The following BACH2 variants were observed in gnomAD, a reference collection of about 807,000 sequenced individuals.
The protein encoded by BACH2 is transcription regulator protein BACH2.
BACH2 carries 5 observed loss-of-function variants against 61.8 expected under a neutral mutation model. The observed-to-expected ratio is 0.08, with a 90% confidence interval of 0.04 to 0.17. BACH2 has a LOEUF of 0.17. Ranked by LOEUF, BACH2 falls within the 10% of genes least tolerant of loss-of-function variation. The pLI is 1.00. For synonymous variants in BACH2, 446 were observed against 440.1 expected, an observed-to-expected ratio of 1.01 and a Z score of -0.17; for missense variants, 824 against 1,091.1, an observed-to-expected ratio of 0.76 and a Z score of 3.45.
intron 7 of BACH2, among the ~76,000 whole-genome samples, chr6:89,945,817 G>A (rs1337372059): frequency 6.6e-6 from 1 of 152,198 alleles, no homozygotes; most frequent in Admixed American, 6.5e-5. Flanking sequence ...CTCCAACGGT[G>A]CTCCCAGTTT....
intron 2 of BACH2, among the ~76,000 whole-genome samples, chr6:90,259,675 T>C (rs984235126): frequency 4.6e-5 from 7 of 152,224 alleles, no homozygotes; most frequent in Non-Finnish European, 5.9e-5. Flanking sequence ...CTGGTAGAAC[T>C]CAGCTGTGAA....
At chr6:89,987,656 G>T (rs1776316192) in intron 6 of BACH2, among the ~76,000 whole-genome samples, 1 of 152,172 alleles carries the variant, frequency 6.6e-6, no homozygotes, top group East Asian at 1.9e-4. Context: ...TAGTAGTCAC[G>T]GTTGTATAAA....
chr6:89,953,171 C>G (rs1224842454), intron 6 of BACH2: 6 of 152,230 alleles, frequency 3.9e-5, no homozygotes, highest in Non-Finnish European at 7.3e-5. Context: ...AGCCAAAATT[C>G]TTGCAAGGAC....
At chr6:90,121,443 GTTA>G (rs1481316179) in intron 4 of BACH2, among the ~76,000 whole-genome samples, 1 of 151,808 alleles carries the variant, frequency 6.6e-6, no homozygotes, top group African/African-American at 2.4e-5. Flanking sequence ...TTTCTTAACG[GTTA>G]TTATTTGCTT....
chr6:89,981,298 A>AT (rs71556547), intron 6 of BACH2, among the ~76,000 whole-genome samples: 12,706 of 148,890 alleles, frequency 0.085, 630 homozygotes, highest in African/African-American at 0.14. Context: ...TGCCTGGCTA[A>AT]TTTTTTTTTT....
intron 4 of BACH2, among the ~76,000 whole-genome samples, chr6:90,143,872 A>G (rs931271935): frequency 5.3e-5 from 8 of 152,170 alleles, no homozygotes; most frequent in Admixed American, 2.0e-4. Context: ...GACCCTGCTC[A>G]ACACTCATAA....
intron 4 of BACH2, among the ~76,000 whole-genome samples, chr6:90,103,025 A>ATTTTT (rs1440363076): frequency 2.9e-4 from 8 of 27,506 alleles, no homozygotes; most frequent in African/African-American, 1.4e-3. Context: ...ATATATATAT[A>ATTTTT]TATATTTTTT....
At chr6:90,158,726 A>C (rs1310192738) in intron 4 of BACH2, among the ~76,000 whole-genome samples, 5 of 141,186 alleles carry the variant, frequency 3.5e-5, no homozygotes, top group African/African-American at 1.1e-4. Context: ...AACGATATGG[A>C]GATGGCAGAA....
intron 3 of BACH2, among the ~76,000 whole-genome samples, chr6:90,244,231 A>G (rs1770555705): frequency 6.6e-6 from 1 of 152,148 alleles, no homozygotes; most frequent in Non-Finnish European, 1.5e-5. Flanking sequence ...TATTTATAGG[A>G]CATTTAAAAA....
At chr6:90,115,488 C>A (rs1170328585) in intron 4 of BACH2, among the ~76,000 whole-genome samples, 1 of 152,048 alleles carries the variant, frequency 6.6e-6, no homozygotes, top group Admixed American at 6.6e-5. Flanking sequence ...TGAAGCTGGA[C>A]CCCTTTTTTA....
intron 6 of BACH2, among the ~76,000 whole-genome samples, chr6:89,952,464 T>TATG (rs376099576): frequency 0.011 from 1,664 of 152,260 alleles, 34 homozygotes; most frequent in African/African-American, 0.035. Context: ...TACCTGATCT[T>TATG]ATGATGATGA....
chr6:90,295,433 C>T (rs550027415), intron 1 of BACH2, among the ~76,000 whole-genome samples: 1 of 152,214 alleles, frequency 6.6e-6, no homozygotes, highest in South Asian at 2.1e-4. Flanking sequence ...ACCGAGGTCG[C>T]CGAGATGCTC....
At position 90,032,619 on chromosome 6, in the gene BACH2, C is replaced by T. The variant is rs542752700; in HGVS notation, c.-12-23763G>A. Among the ~76,000 whole-genome samples, 450 of 152,010 alleles carry T rather than the reference C, an allele frequency of 3.0e-3. 2 individuals carry two copies. The highest frequency in any genetic ancestry group is 0.017 in the Middle Eastern group (5 of 294). On this transcript the variant is annotated intron_variant, in intron 5 of 8. Coordinates refer to ENST00000257749, the MANE Select transcript of BACH2 (RefSeq NM_021813.4). ...ACACATGAAAAAATGCTCATCATCACTGGCCATCAGAGAAATGCAAATCAA... is the reference window on the plus strand; with the variant it reads ...ACACATGAAAAAATGCTCATCATCATTGGCCATCAGAGAAATGCAAATCAA...
At chr6:90,265,228 A>G (rs1771285250) in intron 2 of BACH2, among the ~76,000 whole-genome samples, 1 of 152,168 alleles carries the variant, frequency 6.6e-6, no homozygotes, top group South Asian at 2.1e-4. Context: ...GCTGAGAGAG[A>G]GCATGGTGGA....
Position 90,106,300 on chromosome 6 carries a change from ATAAAG to A in BACH2, c.-161-17196_-161-17192del, listed in dbSNP as rs796167720. Among the ~76,000 whole-genome samples the A allele has an allele frequency of 2.8e-4, 42 of 152,356 alleles. No individual in the cohort carries two copies. The East Asian group carries it at 4.8e-3, about 17-fold the overall frequency. On this transcript the variant is annotated intron_variant, in intron 4 of 8. Transcript: ENST00000257749. Reference sequence around the variant, plus strand: ...CAAACTTACACTTTCCATGAAGTAAATAAAGTAATGTGCTGAATAATGACATTTCA... The same window carrying A: ...CAAACTTACACTTTCCATGAAGTAAATAATGTGCTGAATAATGACATTTCA...
intron 4 of BACH2, among the ~76,000 whole-genome samples, chr6:90,092,429 T>C (rs1170817424): frequency 1.3e-5 from 2 of 151,704 alleles, no homozygotes; most frequent in African/African-American, 4.8e-5. Flanking sequence ...ACATGGTATA[T>C]TATCTTACAT....
chr6:89,974,242 C>T (rs1230838125), intron 6 of BACH2, among the ~76,000 whole-genome samples: 1 of 152,144 alleles, frequency 6.6e-6, no homozygotes. Flanking sequence ...AGGAGCTAAC[C>T]TTTTGGCAAG....
At chr6:90,268,492 G>A (rs993730737) in intron 2 of BACH2, among the ~76,000 whole-genome samples, 1 of 152,178 alleles carries the variant, frequency 6.6e-6, no homozygotes, top group Non-Finnish European at 1.5e-5. Flanking sequence ...CACAGAAACT[G>A]AGAGTAGACC....
At chr6:90,249,734 T>C (rs1770746549) in intron 3 of BACH2, among the ~76,000 whole-genome samples, 1 of 152,178 alleles carries the variant, frequency 6.6e-6, no homozygotes, top group Non-Finnish European at 1.5e-5. Context: ...ATGATTGCGC[T>C]ACTGCACTCT....
Sources: allele counts gnomAD v4.1 joint callset (sites outside exome capture counted in the v4.1 genomes callset), GRCh38; gene constraint gnomAD v4.1.1; transcripts MANE v1.5; gene names NCBI Gene and HGNC (gene_info 2026-07-23, HGNC 2026-07-21).